Variants in RNPS1 observed in about 807,000 individuals in gnomAD.
The protein encoded by RNPS1 is RNA-binding protein with serine-rich domain 1.
For missense variants in RNPS1, 300 were observed against 427.6 expected (o/e 0.70, Z 2.63); for synonymous variants, 147 against 150.0 (o/e 0.98, Z 0.15).
At chr16:2,256,053 A>AG (rs948592521) in intron 6 of RNPS1, 3 of 301,710 alleles carry the variant, frequency 9.9e-6, no homozygotes, top group Non-Finnish European at 1.9e-5. Context: ...TGAACCCGGG[A>AG]GGCAGAGGCT....
At chr16:2,266,526 G>C in intron 1 of RNPS1, 2 of 963,848 alleles carry the variant, frequency 2.1e-6, no homozygotes, top group Non-Finnish European at 2.5e-6. Flanking sequence ...GACAATTACA[G>C]TTCCAACCTT....
chr16:2,268,055 A>G lies in RNPS1; in HGVS notation c.-118T>C. The G allele has an allele frequency of 1.3e-6, 2 of 1,534,464 alleles. No individual in the cohort carries two copies. Among genetic ancestry groups the G allele is most frequent in the Non-Finnish European group, 1.7e-6 (2 of 1,146,548 alleles). ...GCAGTCGGATTCCGCCCCAACTTAC[A>G]TCTTCCCGCCGCCGCCACCTCCTCC... On this transcript the variant is annotated splice_region_variant and 5_prime_UTR_variant, in exon 1 of 8. An upstream start codon of the reference 5' UTR is lost. Coordinates refer to ENST00000320225, the MANE Select transcript of RNPS1 (RefSeq NM_080594.4).
chr16:2,264,548 T>C, intron 2 of RNPS1, 25 bp downstream of exon 2: 1 of 1,610,038 alleles, frequency 6.2e-7, no homozygotes. Context: ...CAAGTAGCAC[T>C]AGAAAAATCT....
Position 2,264,593 on chromosome 16 carries a change from A to G in RNPS1, c.51T>C (p.Asn17=). The change falls in exon 2 of 8, where the codon AAT becomes AAC. Residue 17 remains asparagine, a synonymous_variant. Coordinates refer to ENST00000320225, the MANE Select transcript of RNPS1 (RefSeq NM_080594.4). The part of the protein sequence containing the change: ...KKKSLLGVKE[N]NKKSSTRAPS... ...ATTACCTAGTGCTGGACTTTTTATT[A>G]TTTTCTTTGACTCCTAGCAAGCTCT... 1 of 1,613,180 alleles carries G rather than the reference A, an allele frequency of 6.2e-7. No individual in the cohort carries two copies. Among genetic ancestry groups the G allele is most frequent in the Non-Finnish European group, 8.5e-7 (1 of 1,179,774 alleles).
intron 6 of RNPS1, among the ~76,000 whole-genome samples, chr16:2,260,754 G>A: frequency 6.6e-6 from 1 of 152,172 alleles, no homozygotes; most frequent in Admixed American, 6.6e-5. Context: ...AAATAATTAA[G>A]CCAAATATAA....
Position 2,253,482 on chromosome 16 carries a change from T to G in RNPS1, c.*482A>C. The G allele has an allele frequency of 8.9e-6, 2 of 223,998 alleles. No homozygotes were observed. Among genetic ancestry groups the G allele is most frequent in the Non-Finnish European group, 1.8e-5 (2 of 111,510 alleles). 13.9% of individuals were successfully genotyped at this position (223,998 alleles called of 1,614,324 possible). ...ATGGGTGAGAGGATCTTTGAGGGGG[T>G]GTGACCCTTGAGGTCAGAAGAGGCC... On this transcript the variant is annotated 3_prime_UTR_variant, in exon 8 of 8. Coordinates refer to ENST00000320225, the MANE Select transcript of RNPS1 (RefSeq NM_080594.4).
chr16:2,256,854 T>A (rs2093580938), intron 6 of RNPS1: 1 of 152,170 alleles, frequency 6.6e-6, no homozygotes, highest in South Asian at 2.1e-4. Flanking sequence ...GGGGCCTGAA[T>A]CAACATCAAA....
rs2093560983 is a variant in RNPS1, at chr16:2,253,455, C to A, written c.*509G>T. On this transcript the variant is annotated 3_prime_UTR_variant, in exon 8 of 8. Coordinates refer to ENST00000320225, the MANE Select transcript of RNPS1 (RefSeq NM_080594.4). ...CAGACAGAACCACGAGCAGCAACTA[C>A]CATGGGTGAGAGGATCTTTGAGGGG... is the stretch of plus-strand genomic sequence containing the variant. 1 of 209,542 alleles carries A rather than the reference C, an allele frequency of 4.8e-6. No homozygotes were observed. Among genetic ancestry groups the A allele is most frequent in the Admixed American group, 5.8e-5 (1 of 17,382 alleles). The allele number at this position is 209,542 out of a possible 1,614,324, so 13.0% of individuals were successfully genotyped here. A position where few individuals can be genotyped will look rare whatever the true frequency, so the allele number is the denominator to read the frequency against.
chr16:2,263,705 T>C (rs903662393), intron 3 of RNPS1, among the ~76,000 whole-genome samples: 9 of 151,960 alleles, frequency 5.9e-5, no homozygotes, highest in Non-Finnish European at 1.3e-4. Context: ...TTCAACCCCC[T>C]GGAATCAAGC....
At position 2,262,839 on chromosome 16, in the gene RNPS1, G is replaced by C; in HGVS notation, c.423C>G (p.Ser141=). 6.2e-7 allele frequency: 1 copy of C among 1,613,024 alleles called. No individual in the cohort carries two copies. Among genetic ancestry groups the C allele is most frequent in the South Asian group, 1.1e-5 (1 of 90,946 alleles). Reference sequence around the variant, plus strand: ...CCTTTTCATCTCTTTTAGGTGGTTTGGATCTGATTGAGAAAACAAAACACC... The same window carrying C: ...CCTTTTCATCTCTTTTAGGTGGTTTCGATCTGATTGAGAAAACAAAACACC... ...HDNRRRSRSK[S]KPPKRDEKER... is the part of the protein sequence containing the mutation. The change falls in exon 5 of 8, where the codon TCC becomes TCG. Residue 141 remains serine, a synonymous_variant. Transcript: ENST00000320225.
chr16:2,258,423 CCACT>C (rs1227041298), intron 6 of RNPS1: 2 of 152,188 alleles, frequency 1.3e-5, no homozygotes, highest in African/African-American at 2.4e-5. Context: ...AATCACACAC[CCACT>C]AAGAACTGGA....
intron 1 of RNPS1, 63 bp from the exon 2 acceptor site, chr16:2,264,823 C>T: frequency 7.3e-7 from 1 of 1,362,616 alleles, no homozygotes; most frequent in Non-Finnish European, 9.6e-7. Context: ...GTCTACTTTG[C>T]AGTCAAAAGC....
intron 6 of RNPS1, among the ~76,000 whole-genome samples, chr16:2,260,424 T>C (rs2093598375): frequency 6.6e-6 from 1 of 152,156 alleles, no homozygotes. Context: ...TTTGTACGTA[T>C]TCTTAATTTA....
At chr16:2,260,143 T>C (rs1228528652) in intron 6 of RNPS1, among the ~76,000 whole-genome samples, 1 of 147,102 alleles carries the variant, frequency 6.8e-6, no homozygotes, top group Non-Finnish European at 1.5e-5. Context: ...TGTGTGTGTG[T>C]ATTCTTTTTT....
intron 5 of RNPS1, 57 bp downstream of exon 5, chr16:2,262,683 G>A (rs1596810573): frequency 6.8e-7 from 1 of 1,460,348 alleles, no homozygotes; most frequent in African/African-American, 1.4e-5. Context: ...TTCATCTGCA[G>A]GCACAGGCCT....
In RNPS1 at chr16:2,263,103, G is replaced by A. The variant is rs776679483; in HGVS notation, c.412C>T (p.Arg138Cys). The A allele has an allele frequency of 2.0e-5, 32 of 1,612,270 alleles. No homozygotes were observed. Among genetic ancestry groups the A allele is most frequent in the Admixed American group, 3.3e-5 (2 of 59,974 alleles). ...RRRHDNRRRS[R>C]SKSKPPKRDE... ...CAGGCGCAGGGCACTCACTTGGAGC[G>A]GGAGCGCCTCCTGTTGTCGTGTCTG... The change falls in exon 4 of 8, where the codon CGC (arginine) becomes TGC (cysteine). Residue 138 changes from arginine to cysteine, a missense_variant. Arg to Cys is a radical substitution (Grantham distance 180). Transcript: ENST00000320225.
At chr16:2,261,727 C>T (rs780989973) in intron 6 of RNPS1, among the ~76,000 whole-genome samples, 2 of 152,102 alleles carry the variant, frequency 1.3e-5, no homozygotes, top group Non-Finnish European at 2.9e-5. Flanking sequence ...ACGAAGAATA[C>T]GTCAGGACCC....
intron 7 of RNPS1, 139 bp downstream of exon 7, chr16:2,255,446 T>C (rs1812285970): frequency 1.0e-6 from 1 of 984,096 alleles, no homozygotes; most frequent in Admixed American, 2.8e-5. Flanking sequence ...GCTCTCTCCA[T>C]GAGCTCTGAA....
At chr16:2,260,402 T>C (rs2093598211) in intron 6 of RNPS1, among the ~76,000 whole-genome samples, 2 of 152,122 alleles carry the variant, frequency 1.3e-5, no homozygotes, top group Non-Finnish European at 2.9e-5. Flanking sequence ...GTGATCCATG[T>C]TGCCCAGTCT....
Sources: gnomAD v4.1 joint callset for allele counts (sites outside exome capture counted in the v4.1 genomes callset) on GRCh38, gnomAD v4.1.1 for gene constraint, MANE v1.5 for transcripts, NCBI Gene and HGNC (gene_info 2026-07-23, HGNC 2026-07-21) for gene names.